The following THSD7B variants were observed in gnomAD, a reference collection of about 807,000 sequenced individuals.
The protein encoded by THSD7B is thrombospondin type 1 domain containing 7B, also known as thrombospondin type-1 domain-containing protein 7B.
In THSD7B, 138 loss-of-function variants were observed where a neutral mutation model predicts 213.6. The observed-to-expected ratio is 0.65, with a 90% CI of 0.56 to 0.74. THSD7B has a LOEUF of 0.74. THSD7B is among the 30% of genes least tolerant of loss of function. The pLI is 0.00. For missense variants in THSD7B, 1,931 were observed against 1,991.5 expected (o/e 0.97, Z 0.58); for synonymous variants, 742 against 687.0 (o/e 1.08, Z -1.25).
rs200551724 is a variant in THSD7B, at chr2:136,979,995, AT to A, written c.140-76415del. ...TTGTTGTTGCTGTCTGTCATCTAAAATTTTTTTTTTAAACAGACTCATTTTC... is the reference window on the plus strand; with the variant it reads ...TTGTTGTTGCTGTCTGTCATCTAAAATTTTTTTTTAAACAGACTCATTTTC... On this transcript the variant is annotated intron_variant, in intron 2 of 27. Transcript: ENST00000409968. 2.4e-3 allele frequency among the ~76,000 whole-genome samples: 358 copies of A among 149,940 alleles called. 4 individuals carry two copies. The highest frequency in any genetic ancestry group is 8.4e-3 in the African/African-American group (344 of 40,724).
chr2:137,220,970 G>T (rs570538012), intron 7 of THSD7B, among the ~76,000 whole-genome samples: 9 of 152,114 alleles, frequency 5.9e-5, no homozygotes, highest in African/African-American at 2.2e-4. Flanking sequence ...ACATTCTGGG[G>T]GAGGAGGGAA....
chr2:137,081,687 T>A (rs1045095229), intron 3 of THSD7B, among the ~76,000 whole-genome samples: 3 of 152,144 alleles, frequency 2.0e-5, no homozygotes. Context: ...CTTTTCAGCT[T>A]TGTTCTTGGT....
At chr2:137,189,532 T>C (rs766387164) in intron 7 of THSD7B, among the ~76,000 whole-genome samples, 4 of 138,324 alleles carry the variant, frequency 2.9e-5, no homozygotes, top group Admixed American at 2.3e-4. Context: ...TCAAGTCTGC[T>C]CCATCCACAG....
intron 2 of THSD7B, among the ~76,000 whole-genome samples, chr2:137,016,750 A>G (rs2104839365): frequency 6.6e-6 from 1 of 152,308 alleles, no homozygotes; most frequent in South Asian, 2.1e-4. Flanking sequence ...CATGAATTAG[A>G]CCACAATTCT....
chr2:137,340,517 G>T (rs928769334), intron 12 of THSD7B, among the ~76,000 whole-genome samples: 2 of 151,684 alleles, frequency 1.3e-5, no homozygotes, highest in African/African-American at 4.8e-5. Flanking sequence ...TGTGCAAAAG[G>T]TCTGAAAAAG....
chr2:137,606,615 C>A lies in THSD7B; in HGVS notation c.3424-9560C>A, dbSNP rs568673904. On this transcript the variant is annotated intron_variant, in intron 17 of 27. Coordinates refer to ENST00000409968, the MANE Select transcript of THSD7B (RefSeq NM_001316349.2). ...AGAAAGACCCAGTACCCCTACTCTGCTGGCAGAGACTGGAATTTTTGTCCT... is the reference window on the plus strand; with the variant it reads ...AGAAAGACCCAGTACCCCTACTCTGATGGCAGAGACTGGAATTTTTGTCCT... 2.6e-5 allele frequency among the ~76,000 whole-genome samples: 4 copies of A among 152,250 alleles called. No homozygotes were observed. The South Asian group carries it at 8.3e-4, about 32-fold the overall frequency.
chr2:137,383,681 C>T (rs897007329), intron 12 of THSD7B, among the ~76,000 whole-genome samples: 1 of 152,094 alleles, frequency 6.6e-6, no homozygotes, highest in East Asian at 1.9e-4. Context: ...GTATAATTAC[C>T]CTGCTAACAC....
intron 1 of THSD7B, among the ~76,000 whole-genome samples, chr2:136,867,875 T>G (rs1166195012): frequency 6.6e-6 from 1 of 152,372 alleles, no homozygotes; most frequent in Admixed American, 6.5e-5. Context: ...AGAAAGTATT[T>G]GTGTGTACAC....
chr2:137,354,032 G>A (rs772971094), intron 12 of THSD7B, among the ~76,000 whole-genome samples: 2 of 152,016 alleles, frequency 1.3e-5, no homozygotes, highest in Non-Finnish European at 2.9e-5. Context: ...GACTAATCCT[G>A]TTTGTAACTA....
intron 16 of THSD7B, among the ~76,000 whole-genome samples, chr2:137,568,796 G>A (rs73958890): frequency 0.18 from 27,095 of 152,082 alleles, 2,585 homozygotes; most frequent in South Asian, 0.33. Flanking sequence ...AACACCTGGC[G>A]ATTACAATTC....
Position 137,553,220 on chromosome 2 carries a change from CTGGGTCT to C in THSD7B, c.3139-9998_3139-9992del, listed in dbSNP as rs144410407. On this transcript the variant is annotated intron_variant, in intron 15 of 27. Transcript: ENST00000409968. ...AGGTCTCAAGCTTGAAGACATCTAC[CTGGGTCT>C]TGACTTGCAGCTTCACTAGAGCAAG... Among the ~76,000 whole-genome samples, 1,356 of 152,234 alleles carry C rather than the reference CTGGGTCT, an allele frequency of 8.9e-3. 18 individuals carry two copies. Among genetic ancestry groups the C allele is most frequent in the African/African-American group, 0.031 (1,287 of 41,554 alleles).
intron 5 of THSD7B, among the ~76,000 whole-genome samples, chr2:137,142,890 A>C (rs1679618263): frequency 6.6e-6 from 1 of 152,148 alleles, no homozygotes; most frequent in Non-Finnish European, 1.5e-5. Context: ...ATATGCCTAC[A>C]CAGGCATACA....
chr2:137,625,475 T>A (rs56257356), intron 20 of THSD7B, among the ~76,000 whole-genome samples: 56,919 of 148,024 alleles, frequency 0.38, 12,669 homozygotes, highest in African/African-American at 0.63. Context: ...GAAGTATAAT[T>A]AAAAAAAAAA....
intron 2 of THSD7B, among the ~76,000 whole-genome samples, chr2:137,032,713 CT>C (rs1223014519): frequency 1.3e-5 from 2 of 152,042 alleles, no homozygotes; most frequent in African/African-American, 4.8e-5. Flanking sequence ...TGAAAAATTG[CT>C]TGGAAGGTAG....
At chr2:137,107,888 A>G (rs1173347194) in intron 4 of THSD7B, among the ~76,000 whole-genome samples, 1 of 152,234 alleles carries the variant, frequency 6.6e-6, no homozygotes, top group Non-Finnish European at 1.5e-5. Flanking sequence ...ATAAAAAATT[A>G]CTGGAGCATA....
At chr2:136,953,541 C>T (rs1685075501) in intron 2 of THSD7B, among the ~76,000 whole-genome samples, 1 of 149,556 alleles carries the variant, frequency 6.7e-6, no homozygotes, top group Non-Finnish European at 1.5e-5. Flanking sequence ...AGATTTATTT[C>T]CGATTATGCC....
chr2:137,223,670 T>C (rs904144865), intron 7 of THSD7B, among the ~76,000 whole-genome samples: 6 of 152,178 alleles, frequency 3.9e-5, no homozygotes, highest in Non-Finnish European at 8.8e-5. Context: ...AAAATAGTGA[T>C]TGCTTCCTCC....
chr2:137,633,199 A>C (rs997581220), intron 20 of THSD7B, among the ~76,000 whole-genome samples: 1 of 152,202 alleles, frequency 6.6e-6, no homozygotes, highest in African/African-American at 2.4e-5. Context: ...TTGTTAAGAG[A>C]AGTGAGAAGT....
chr2:137,115,000 C>G, intron 4 of THSD7B, 124 bp from the exon 5 acceptor site: 1 of 1,015,554 alleles, frequency 9.8e-7, no homozygotes, highest in Non-Finnish European at 1.4e-6. Context: ...CTTCTTTATC[C>G]ACAGGCAAAG....
Sources: gnomAD v4.1 joint callset for allele counts (sites outside exome capture counted in the v4.1 genomes callset) on GRCh38, gnomAD v4.1.1 for gene constraint, MANE v1.5 for transcripts, NCBI Gene and HGNC (gene_info 2026-07-23, HGNC 2026-07-21) for gene names.